The following PPP6R3 variants were observed in gnomAD, a reference collection of about 807,000 sequenced individuals.
PPP6R3 encodes protein phosphatase 6 regulatory subunit 3.
PPP6R3 carries 38 observed loss-of-function variants against 110.7 expected under a neutral mutation model. The observed-to-expected ratio is 0.34, with a 90% CI of 0.26 to 0.45. The LOEUF is 0.45. Among genes scored for constraint, PPP6R3 ranks in the 20% least tolerant of loss-of-function variants. The pLI, the probability that PPP6R3 is intolerant of heterozygous loss-of-function variation, is 1.00. For synonymous variants in PPP6R3, 369 were observed against 373.5 expected (o/e 0.99, Z 0.14); for missense variants, 870 against 1,062.4 (o/e 0.82, Z 2.52).
At chr11:68,537,951 C>G in intron 3 of PPP6R3, 60 bp downstream of exon 3, 3 of 1,247,964 alleles carry the variant, frequency 2.4e-6, no homozygotes. Context: ...GTAGAATATA[C>G]AGCTCTTGTT....
At chr11:68,590,763 A>G in intron 17 of PPP6R3, 49 bp downstream of exon 17, 1 of 1,505,968 alleles carries the variant, frequency 6.6e-7, no homozygotes, top group Non-Finnish European at 9.0e-7. Context: ...GAGGTTAAAA[A>G]TTGGGTGAGT....
intron 1 of PPP6R3, among the ~76,000 whole-genome samples, chr11:68,480,252 A>G (rs1389145322): frequency 6.6e-6 from 1 of 152,094 alleles, no homozygotes; most frequent in Admixed American, 6.5e-5. Flanking sequence ...CTTTCTGAAA[A>G]CTTATTTCCT....
chr11:68,614,754 CCT>C lies in PPP6R3; in HGVS notation c.*1642_*1643del. The C allele has an allele frequency of 6.5e-7, 1 of 1,538,340 alleles. No homozygotes were observed. Among genetic ancestry groups the C allele is most frequent in the South Asian group, 1.2e-5 (1 of 82,900 alleles). Reference sequence around the variant, plus strand: ...AGGAACCCCCTTTCCCGGGTGAGCCCCTCTCTGAAGAGACTGTCCTTGGGCCT... The same window carrying C: ...AGGAACCCCCTTTCCCGGGTGAGCCCCTCTGAAGAGACTGTCCTTGGGCCT... On this transcript the variant is annotated 3_prime_UTR_variant, in exon 24 of 24. Coordinates refer to ENST00000393800, the MANE Select transcript of PPP6R3 (RefSeq NM_001164161.2).
In PPP6R3 at chr11:68,582,403, G is replaced by T. The variant is rs1048809038; in HGVS notation, c.1546-640G>T. Among the ~76,000 whole-genome samples, 3 of 152,206 alleles carry T rather than the reference G, an allele frequency of 2.0e-5. No individual in the cohort carries two copies. In the South Asian group the frequency reaches 6.2e-4, roughly 32 times the overall value. Reference sequence around the variant, plus strand: ...TCACTTAACGATGAATTGGTGAGCAGTTCATGTTTGTGTTTTTGCTTAATT... The same window carrying T: ...TCACTTAACGATGAATTGGTGAGCATTTCATGTTTGTGTTTTTGCTTAATT... On this transcript the variant is annotated intron_variant, in intron 14 of 23. Transcript: ENST00000393800.
intron 23 of PPP6R3, among the ~76,000 whole-genome samples, chr11:68,611,910 T>A (rs928961502): frequency 3.9e-5 from 6 of 152,244 alleles, no homozygotes; most frequent in Non-Finnish European, 8.8e-5. Flanking sequence ...GCGCGCTGTT[T>A]CCTGTCACAC....
intron 1 of PPP6R3, among the ~76,000 whole-genome samples, chr11:68,505,993 C>CT: frequency 6.6e-6 from 1 of 151,970 alleles, no homozygotes; most frequent in East Asian, 1.9e-4. Flanking sequence ...ATGTTTTATC[C>CT]TTTTTTTCTT....
chr11:68,477,876 A>C (rs1399969579), intron 1 of PPP6R3, among the ~76,000 whole-genome samples: 1 of 149,852 alleles, frequency 6.7e-6, no homozygotes, highest in African/African-American at 2.5e-5. Context: ...TGTAGCACTC[A>C]GTTTTTGCTT....
chr11:68,506,413 T>TTAAAAAAA (rs2099076967), intron 1 of PPP6R3, among the ~76,000 whole-genome samples: 1 of 17,240 alleles, frequency 5.8e-5, no homozygotes, highest in Non-Finnish European at 1.1e-4. Flanking sequence ...CCCTTTATAC[T>TTAAAAAAA]CAAAAAAAAA....
chr11:68,570,446 T>C (rs2099499457), intron 11 of PPP6R3, among the ~76,000 whole-genome samples: 1 of 152,170 alleles, frequency 6.6e-6, no homozygotes, highest in Non-Finnish European at 1.5e-5. Context: ...AAACCTAAAA[T>C]GTAGAAAAGG....
intron 1 of PPP6R3, among the ~76,000 whole-genome samples, chr11:68,474,085 T>A (rs1236397112): frequency 6.6e-6 from 1 of 150,600 alleles, no homozygotes; most frequent in Non-Finnish European, 1.5e-5. Context: ...CTCTGTCACC[T>A]AGGTTGAAGT....
intron 18 of PPP6R3, among the ~76,000 whole-genome samples, chr11:68,594,834 A>G (rs547483769): frequency 5.3e-5 from 8 of 152,354 alleles, no homozygotes; most frequent in African/African-American, 9.6e-5. Context: ...TTAAAATTCA[A>G]TAGTTAAAAC....
Position 68,551,184 on chromosome 11 carries a change from G to T in PPP6R3, c.616G>T (p.Asp206Tyr). ...AATAGTTCATCCATCGCAAGAAGAAGATGTAAGTTCACTTGTGTGACTGTA... is the reference window on the plus strand; with the variant it reads ...AATAGTTCATCCATCGCAAGAAGAATATGTAAGTTCACTTGTGTGACTGTA... ...VEIVHPSQEE[D>Y]RHSNASQSLC... The change falls in exon 6 of 24, where the codon GAT becomes TAT. Residue 206 changes from aspartate to tyrosine, a missense_variant and splice_region_variant. By Grantham distance (160) the Asp-to-Tyr change is radical (BLOSUM62 -3). Transcript: ENST00000393800. 1 of 1,607,066 alleles carries T rather than the reference G, an allele frequency of 6.2e-7. No individual in the cohort carries two copies.
chr11:68,576,350 C>G (rs1298276811), intron 14 of PPP6R3, among the ~76,000 whole-genome samples: 1 of 152,194 alleles, frequency 6.6e-6, no homozygotes, highest in Non-Finnish European at 1.5e-5. Flanking sequence ...TCTTGCCTTC[C>G]TTTCATTCTG....
rs2099522957 is a variant in PPP6R3, at chr11:68,574,546, CAT to C, written c.1459+325_1459+326del. ...TTGAGTATTGTGAGTGTGAAGTACT[CAT>C]ATGCTAGCAGTTGAGCCACTTCAGC... is the stretch of plus-strand genomic sequence containing the variant. On this transcript the variant is annotated intron_variant, in intron 13 of 23. Transcript: ENST00000393800. Among the ~76,000 whole-genome samples the C allele has an allele frequency of 2.0e-5, 3 of 152,270 alleles. No homozygotes were observed. The South Asian group carries it at 6.2e-4, about 32-fold the overall frequency.
chr11:68,461,151 C>A (rs1352534695), intron 1 of PPP6R3, among the ~76,000 whole-genome samples: 1 of 150,708 alleles, frequency 6.6e-6, no homozygotes, highest in Non-Finnish European at 1.5e-5. Flanking sequence ...CGCCCCTGAC[C>A]CGGCTCTGGC....
chr11:68,478,649 T>TTTTTTTC (rs2098862790), intron 1 of PPP6R3, among the ~76,000 whole-genome samples: 1 of 102,014 alleles, frequency 9.8e-6, no homozygotes, highest in African/African-American at 3.9e-5. Context: ...CTTGGTAAGT[T>TTTTTTTC]TTTTTTTTTT....
At chr11:68,554,513 A>G (rs975070570) in intron 7 of PPP6R3, among the ~76,000 whole-genome samples, 4 of 152,214 alleles carry the variant, frequency 2.6e-5, no homozygotes, top group Non-Finnish European at 5.9e-5. Flanking sequence ...AGCCATCCTA[A>G]GATGTGGTAG....
chr11:68,555,821 G>A (rs2099397200), intron 7 of PPP6R3, among the ~76,000 whole-genome samples: 1 of 152,182 alleles, frequency 6.6e-6, no homozygotes, highest in Non-Finnish European at 1.5e-5. Context: ...CAATGGCCCT[G>A]TTGCCAAGTA....
rs531721702 is a variant in PPP6R3, at chr11:68,486,537, G to T, written c.-158+25710G>T. On this transcript the variant is annotated intron_variant, in intron 1 of 23. Transcript: ENST00000393800. Reference sequence around the variant, plus strand: ...GGAGAATGGCGTGAACCCGGGAGGCGGAGCTTGCAGTGAGCTGAGATCACG... The same window carrying T: ...GGAGAATGGCGTGAACCCGGGAGGCTGAGCTTGCAGTGAGCTGAGATCACG... 1.7e-3 allele frequency among the ~76,000 whole-genome samples: 261 copies of T among 150,900 alleles called. 6 individuals are homozygous for T. Among genetic ancestry groups the T allele is most frequent in the Admixed American group, 0.017 (255 of 15,124 alleles).
Sources: gnomAD v4.1 joint callset for allele counts (sites outside exome capture counted in the v4.1 genomes callset) on GRCh38, gnomAD v4.1.1 for gene constraint, MANE v1.5 for transcripts, NCBI Gene and HGNC (gene_info 2026-07-23, HGNC 2026-07-21) for gene names.